The following SERGEF variants were observed in gnomAD, a reference collection of about 807,000 sequenced individuals.
The protein encoded by SERGEF is secretion regulating guanine nucleotide exchange factor, also known as secretion-regulating guanine nucleotide exchange factor.
Under a neutral mutation model 50.0 loss-of-function variants are expected in SERGEF, and 51 were observed. The ratio of observed to expected loss-of-function variants is 1.02; its 90% CI spans 0.81 to 1.29. The LOEUF (loss-of-function observed/expected upper bound fraction) is 1.29. Ranked by LOEUF, SERGEF falls within the 50% of genes most tolerant of loss-of-function variation. The pLI, the probability that SERGEF is intolerant of heterozygous loss-of-function variation, is 0.00. For synonymous variants in SERGEF, 205 were observed against 212.4 expected (o/e 0.97, Z 0.30); for missense variants, 521 against 557.0 (o/e 0.94, Z 0.65).
At chr11:17,905,518 G>T (rs1430274672) in intron 9 of SERGEF, among the ~76,000 whole-genome samples, 3 of 152,220 alleles carry the variant, frequency 2.0e-5, no homozygotes, top group African/African-American at 7.2e-5. Flanking sequence ...TGAGGAGGAA[G>T]GATGCAGTTA....
chr11:17,855,348 A>T (rs1332613343), intron 10 of SERGEF: 2 of 152,166 alleles, frequency 1.3e-5, no homozygotes, highest in Non-Finnish European at 2.9e-5. Flanking sequence ...CAGTTTAAGG[A>T]GCCAGATTAA....
intron 10 of SERGEF, among the ~76,000 whole-genome samples, chr11:17,791,349 G>C (rs1849481797): frequency 6.6e-6 from 1 of 152,158 alleles, no homozygotes; most frequent in Non-Finnish European, 1.5e-5. Context: ...TTTGAGTACT[G>C]CCAGAATACT....
At chr11:17,930,512 A>G (rs4757606) in intron 9 of SERGEF, among the ~76,000 whole-genome samples, 17,430 of 152,270 alleles carry the variant, frequency 0.11, 1,308 homozygotes, top group Middle Eastern at 0.22. Flanking sequence ...GGCTGCAGCC[A>G]TGGGGAGAAG....
At chr11:18,000,729 GA>G (rs1021922147) in intron 4 of SERGEF, 172 bp from the exon 5 acceptor site, 1 of 705,662 alleles carries the variant, frequency 1.4e-6, no homozygotes, top group Non-Finnish European at 2.6e-6. Flanking sequence ...ATCCCTAAAA[GA>G]AAAAAATATA....
intron 10 of SERGEF, among the ~76,000 whole-genome samples, chr11:17,810,230 T>C (rs1849843104): frequency 6.6e-6 from 1 of 152,218 alleles, no homozygotes; most frequent in Non-Finnish European, 1.5e-5. Context: ...CTGCCTGCTC[T>C]GATATTTCTC....
intron 10 of SERGEF, among the ~76,000 whole-genome samples, chr11:17,832,182 C>T (rs573078716): frequency 3.9e-5 from 6 of 152,264 alleles, no homozygotes; most frequent in South Asian, 4.2e-4. Flanking sequence ...AATTCCCATA[C>T]GTTGTGGGAG....
At chr11:17,949,631 A>G (rs1319584170) in intron 9 of SERGEF, among the ~76,000 whole-genome samples, 1 of 151,974 alleles carries the variant, frequency 6.6e-6, no homozygotes, top group Non-Finnish European at 1.5e-5. Context: ...CAGGAGGGAG[A>G]AAGTGTTTAG....
chr11:18,006,239 A>G (rs1590248995), intron 3 of SERGEF, among the ~76,000 whole-genome samples: 1 of 152,068 alleles, frequency 6.6e-6, no homozygotes, highest in South Asian at 2.1e-4. Flanking sequence ...GTTCACTGCA[A>G]CCTCCACCTC....
At chr11:17,792,989 C>A (rs1340057822) in intron 10 of SERGEF, among the ~76,000 whole-genome samples, 1 of 152,242 alleles carries the variant, frequency 6.6e-6, no homozygotes. Flanking sequence ...CCCTGCTCCA[C>A]ACATATTATA....
In SERGEF at chr11:18,008,026, C is replaced by G; in HGVS notation, c.111G>C (p.Leu37=). Residue 37 remains leucine, a synonymous_variant, in exon 2 of 11, where the codon CTG becomes CTC. Coordinates refer to ENST00000265965, the MANE Select transcript of SERGEF (RefSeq NM_012139.4). The part of the protein sequence containing the change: ...QLGLGHKEDV[L]LPQQLNDFCK... ...AGAAGTCATTCAGTTGCTGGGGCAA[C>G]AGCACATCTTCCTTATGGCCGAGGC... 1.9e-6 allele frequency: 3 copies of G among 1,614,116 alleles called. No individual in the cohort carries two copies. Among genetic ancestry groups the G allele is most frequent in the African/African-American group, 2.7e-5 (2 of 75,054 alleles).
intron 9 of SERGEF, among the ~76,000 whole-genome samples, chr11:17,927,879 A>G (rs891079620): frequency 6.6e-6 from 1 of 152,234 alleles, no homozygotes; most frequent in Non-Finnish European, 1.5e-5. Flanking sequence ...GGGGCATGAC[A>G]TCTTCTGCAA....
intron 1 of SERGEF, among the ~76,000 whole-genome samples, chr11:18,009,451 TG>T (rs1383429208): frequency 6.6e-6 from 1 of 152,042 alleles, no homozygotes; most frequent in Non-Finnish European, 1.5e-5. Flanking sequence ...GAGAGAGAAA[TG>T]GCATCAAAAT....
intron 9 of SERGEF, among the ~76,000 whole-genome samples, chr11:17,897,641 A>ATAG (rs1851673549): frequency 6.6e-6 from 1 of 152,246 alleles, no homozygotes; most frequent in Admixed American, 6.5e-5. Flanking sequence ...AAAAAAGTAA[A>ATAG]TAGTGCATGA....
chr11:17,862,504 C>T (rs1850944322), intron 10 of SERGEF, among the ~76,000 whole-genome samples: 1 of 152,210 alleles, frequency 6.6e-6, no homozygotes, highest in South Asian at 2.1e-4. Flanking sequence ...CATGAATGGA[C>T]AAATAGGCAA....
At chr11:17,846,384 T>C (rs1366328320) in intron 10 of SERGEF, among the ~76,000 whole-genome samples, 1 of 152,082 alleles carries the variant, frequency 6.6e-6, no homozygotes, top group Non-Finnish European at 1.5e-5. Context: ...GGTTGGTTTG[T>C]TTTTGGCAAC....
chr11:17,932,399 T>A (rs933238291), intron 9 of SERGEF, among the ~76,000 whole-genome samples: 32 of 151,954 alleles, frequency 2.1e-4, no homozygotes, highest in African/African-American at 7.5e-4. Flanking sequence ...TTAAAAAAAA[T>A]TCATAAATAA....
intron 9 of SERGEF, among the ~76,000 whole-genome samples, chr11:17,945,121 G>T (rs1852633380): frequency 6.6e-6 from 1 of 152,244 alleles, no homozygotes; most frequent in African/African-American, 2.4e-5. Context: ...TTTCTCAGCT[G>T]CTAGGAGTAT....
chr11:17,960,916 G>A (rs879437240), intron 8 of SERGEF, among the ~76,000 whole-genome samples: 6 of 152,224 alleles, frequency 3.9e-5, no homozygotes, highest in African/African-American at 1.2e-4. Flanking sequence ...CCATTCAAAT[G>A]TACTCCTTCA....
intron 9 of SERGEF, among the ~76,000 whole-genome samples, chr11:17,944,522 T>C (rs563743937): frequency 6.6e-6 from 1 of 152,242 alleles, no homozygotes; most frequent in African/African-American, 2.4e-5. Context: ...TTCCTCAGTC[T>C]TAACTTCCAG....
Sources: allele counts gnomAD v4.1 joint callset (sites outside exome capture counted in the v4.1 genomes callset), GRCh38; gene constraint gnomAD v4.1.1; transcripts MANE v1.5; gene names NCBI Gene and HGNC (gene_info 2026-07-23, HGNC 2026-07-21).